Variants in ACADL observed in about 807,000 individuals in gnomAD.
ACADL encodes long-chain specific acyl-CoA dehydrogenase, mitochondrial.
A neutral mutation model predicts 56.9 loss-of-function variants in ACADL; 60 were observed. The ratio of observed to expected loss-of-function variants is 1.05; its 90% CI spans 0.86 to 1.31. The LOEUF (loss-of-function observed/expected upper bound fraction) is 1.31, where lower values mean the gene tolerates loss of function less well. Among genes scored for constraint, ACADL ranks in the 50% most tolerant of loss-of-function variants. The probability of loss-of-function intolerance (pLI) is 0.00; values close to 1 mark genes in which losing one functional copy is unlikely to be tolerated. For synonymous variants in ACADL, 158 were observed against 179.7 expected (o/e 0.88, Z 0.97); for missense variants, 484 against 525.5 (o/e 0.92, Z 0.77).
intron 8 of ACADL, among the ~76,000 whole-genome samples, chr2:210,202,202 C>G (rs528469825): frequency 6.6e-6 from 1 of 152,122 alleles, no homozygotes; most frequent in African/African-American, 2.4e-5. Context: ...AAGTGATTCT[C>G]CTGCCTCAGC....
intron 8 of ACADL, among the ~76,000 whole-genome samples, chr2:210,201,729 A>G (rs1417089084): frequency 6.6e-6 from 1 of 152,150 alleles, no homozygotes; most frequent in Non-Finnish European, 1.5e-5. Context: ...TGTTTTGCCA[A>G]TTTGATGACC....
chr2:210,195,265 T>A lies in ACADL; in HGVS notation c.1058A>T (p.Gln353Leu). ...GTCCAAACGTTTCGCTTCATGCAGC[T>A]GGAGACAGTTGTCCACAAATGCTCG... is the stretch of plus-strand genomic sequence containing the variant. ...VTRAFVDNCL[Q>L]LHEAKRLDSA... The change falls in exon 9 of 11, where the codon CAG becomes CTG. Residue 353 changes from glutamine (Q) to leucine (L), a missense_variant. By Grantham distance (113) the Gln-to-Leu change is moderately radical (BLOSUM62 -2). Transcript: ENST00000233710. The A allele has an allele frequency of 8.1e-6, 13 of 1,613,976 alleles. No homozygotes were observed. The highest frequency in any genetic ancestry group is 1.1e-5 in the Non-Finnish European group (13 of 1,179,924).
At chr2:210,211,772 T>C (rs1688983879) in intron 4 of ACADL, among the ~76,000 whole-genome samples, 1 of 152,088 alleles carries the variant, frequency 6.6e-6, no homozygotes, top group Non-Finnish European at 1.5e-5. Flanking sequence ...GTATTTTTTA[T>C]AGCAATGCAA....
chr2:210,212,467 C>T (rs1296705825), intron 4 of ACADL, among the ~76,000 whole-genome samples: 3 of 152,042 alleles, frequency 2.0e-5, no homozygotes, highest in East Asian at 1.9e-4. Context: ...GGAGTGGATC[C>T]TCCCCTATAA....
At chr2:210,210,907 C>T (rs1438353720) in intron 4 of ACADL, among the ~76,000 whole-genome samples, 1 of 151,932 alleles carries the variant, frequency 6.6e-6, no homozygotes, top group African/African-American at 2.4e-5. Flanking sequence ...GATCAGGCCA[C>T]TGCACTCTAG....
intron 9 of ACADL, among the ~76,000 whole-genome samples, chr2:210,194,120 A>C (rs2125708968): frequency 6.6e-6 from 1 of 152,268 alleles, no homozygotes; most frequent in South Asian, 2.1e-4. Flanking sequence ...TGAGGTTTTC[A>C]AATAACAAGG....
At chr2:210,224,269 T>C (rs572382448) in intron 1 of ACADL, 89 of 260,122 alleles carry the variant, frequency 3.4e-4, no homozygotes, top group South Asian at 2.8e-3. Context: ...CACTGTCTTA[T>C]AATGTTCCAA....
At chr2:210,195,078 A>G in intron 9 of ACADL, 133 bp downstream of exon 9, 2 of 1,123,600 alleles carry the variant, frequency 1.8e-6, no homozygotes, top group Non-Finnish European at 2.6e-6. Context: ...ATTTTTTTTT[A>G]AAGTGGAGTC....
chr2:210,222,865 A>T (rs555874783), intron 1 of ACADL, among the ~76,000 whole-genome samples: 2 of 152,340 alleles, frequency 1.3e-5, no homozygotes, highest in African/African-American at 4.8e-5. Flanking sequence ...AATGGAAATG[A>T]TCGGCTCCTT....
chr2:210,203,091 T>A (rs1382372247), intron 8 of ACADL, among the ~76,000 whole-genome samples: 1 of 152,196 alleles, frequency 6.6e-6, no homozygotes, highest in Non-Finnish European at 1.5e-5. Flanking sequence ...GCTCCTCCTT[T>A]TCAGACAATA....
chr2:210,207,356 C>T (rs1688902858), intron 5 of ACADL, among the ~76,000 whole-genome samples: 2 of 152,150 alleles, frequency 1.3e-5, no homozygotes, highest in Admixed American at 1.3e-4. Flanking sequence ...CACTAGCTTA[C>T]CTCTCCTTAC....
At chr2:210,224,677 G>C in intron 1 of ACADL, 1 of 986,214 alleles carries the variant, frequency 1.0e-6, no homozygotes, top group Non-Finnish European at 1.2e-6. Flanking sequence ...GTTTGTCCTG[G>C]ACAATTCTGG....
At chr2:210,209,446 AC>A (rs1232745376) in intron 5 of ACADL, 1 of 152,144 alleles carries the variant, frequency 6.6e-6, no homozygotes, top group African/African-American at 2.4e-5. Context: ...CTCCAATTCT[AC>A]CAGTGAGTTG....
chr2:210,205,605 C>G (rs1688873261), intron 6 of ACADL, 27 bp downstream of exon 6: 1 of 1,609,192 alleles, frequency 6.2e-7, no homozygotes, highest in Non-Finnish European at 8.5e-7. Context: ...CAATTAGTAT[C>G]TGAATATGAT....
At chr2:210,194,842 A>G (rs1688682754) in intron 9 of ACADL, among the ~76,000 whole-genome samples, 1 of 152,144 alleles carries the variant, frequency 6.6e-6, no homozygotes, top group South Asian at 2.1e-4. Context: ...TTTCAGCCTC[A>G]CTATACTGCC....
At chr2:210,208,094 C>T (rs1416529312) in intron 5 of ACADL, among the ~76,000 whole-genome samples, 6 of 152,166 alleles carry the variant, frequency 3.9e-5, no homozygotes, top group Non-Finnish European at 8.8e-5. Flanking sequence ...GTATAGCTGC[C>T]ACAGTTGAAA....
intron 10 of ACADL, 26 bp from the exon 11 acceptor site, chr2:210,189,080 A>G: frequency 6.7e-7 from 1 of 1,485,674 alleles, no homozygotes; most frequent in Non-Finnish European, 9.4e-7. Flanking sequence ...GATTGAATGA[A>G]TAAATAAAAT....
chr2:210,189,987 T>C (rs1387876586), intron 10 of ACADL, among the ~76,000 whole-genome samples: 1 of 152,198 alleles, frequency 6.6e-6, no homozygotes. Flanking sequence ...TAGAGCTAGT[T>C]ATTGAACTTT....
intron 9 of ACADL, among the ~76,000 whole-genome samples, chr2:210,194,606 T>G (rs1438677084): frequency 1.3e-5 from 2 of 152,194 alleles, no homozygotes; most frequent in East Asian, 3.8e-4. Context: ...TAATAGGATT[T>G]TTATTCTCCT....
Sources: gnomAD v4.1 joint callset for allele counts (sites outside exome capture counted in the v4.1 genomes callset) on GRCh38, gnomAD v4.1.1 for gene constraint, MANE v1.5 for transcripts, NCBI Gene and HGNC (gene_info 2026-07-23, HGNC 2026-07-21) for gene names.